Variants in FBXO30 observed in about 807,000 individuals in gnomAD.
The protein encoded by FBXO30 is F-box only protein 30.
In FBXO30, 21 loss-of-function variants were observed where a neutral mutation model predicts 58.1. The observed-to-expected ratio is 0.36, with a 90% CI of 0.26 to 0.52. The LOEUF is 0.52. Among genes scored for constraint, FBXO30 ranks in the 20% least tolerant of loss-of-function variants. The pLI is 0.93. For missense variants in FBXO30, 744 were observed against 897.3 expected (o/e 0.83, Z 2.18); for synonymous variants, 309 against 312.4 (o/e 0.99, Z 0.11).
rs777720532 is a variant in FBXO30, at chr6:145,805,411, G to A, written c.995C>T (p.Ala332Val). 32 of 1,613,824 alleles carry A rather than the reference G, an allele frequency of 2.0e-5. No individual in the cohort carries two copies. The highest frequency in any genetic ancestry group is 2.4e-5 in the Non-Finnish European group (28 of 1,179,936). Reference sequence around the variant, plus strand: ...TATTTCCCTAAGTTGTGCTGCCACCGCAAGTGAGCTGGAAGGTTTTGAAGT... The same window carrying A: ...TATTTCCCTAAGTTGTGCTGCCACCACAAGTGAGCTGGAAGGTTTTGAAGT... ...DGTSKPSSSL[A>V]VAAQLREIIP... Residue 332 changes from alanine to valine, a missense_variant, in exon 2 of 3, where the codon GCG becomes GTG. Around this residue, in one of 3 missense-constraint regions of FBXO30, gnomAD observed 275 missense variants for 262.0 expected, o/e 1.05. Coordinates refer to ENST00000237281, the MANE Select transcript of FBXO30 (RefSeq NM_032145.5).
intron 1 of FBXO30, among the ~76,000 whole-genome samples, chr6:145,814,025 C>T (rs1241172644): frequency 6.6e-6 from 1 of 152,108 alleles, no homozygotes; most frequent in African/African-American, 2.4e-5. Context: ...TGGAACAACA[C>T]AAATAACCTC....
Position 145,794,272 on chromosome 6 carries a change from T to C in FBXO30, c.*5834A>G, listed in dbSNP as rs1487493502. On this transcript the variant is annotated 3_prime_UTR_variant, in exon 3 of 3. Coordinates refer to ENST00000237281, the MANE Select transcript of FBXO30 (RefSeq NM_032145.5). ...TTTATCCTCCAAAGAATATCACATC[T>C]TTCTGCATTTAAGGTAACAACATTT... 2 of 151,964 alleles carry C rather than the reference T, an allele frequency of 1.3e-5. No homozygotes were observed. Among genetic ancestry groups the C allele is most frequent in the Non-Finnish European group, 2.9e-5 (2 of 67,864 alleles). 9.4% of individuals were successfully genotyped at this position (151,964 alleles called of 1,614,324 possible).
chr6:145,794,910 C>T lies in FBXO30; in HGVS notation c.*5196G>A, dbSNP rs1777840529. The T allele has an allele frequency of 6.6e-6, 1 of 151,546 alleles. No individual in the cohort carries two copies. Among genetic ancestry groups the T allele is most frequent in the African/African-American group, 2.4e-5 (1 of 41,324 alleles). The allele number at this position is 151,546 out of a possible 1,614,324, so 9.4% of individuals were successfully genotyped here. On this transcript the variant is annotated 3_prime_UTR_variant, in exon 3 of 3. Transcript: ENST00000237281. ...GGTCACCTCACCAGAAAATTAATGTCATGGGATAAAGAAGCAATAATGACA... is the reference window on the plus strand; with the variant it reads ...GGTCACCTCACCAGAAAATTAATGTTATGGGATAAAGAAGCAATAATGACA...
chr6:145,811,963 A>G (rs1172504259), intron 1 of FBXO30: 1 of 152,186 alleles, frequency 6.6e-6, no homozygotes, highest in Non-Finnish European at 1.5e-5. Flanking sequence ...TCAGCTTTAA[A>G]AATCATAATA....
At chr6:145,813,797 G>C (rs763713699) in intron 1 of FBXO30, among the ~76,000 whole-genome samples, 2 of 152,182 alleles carry the variant, frequency 1.3e-5, no homozygotes, top group Non-Finnish European at 2.9e-5. Context: ...TCGTTCCCAA[G>C]CATCTTTTAT....
In FBXO30 at chr6:145,807,178, CACAGTGCCTCCTCTCAAAA is replaced by C. The variant is rs111915402; in HGVS notation, c.-16-776_-16-758del. Among the ~76,000 whole-genome samples the C allele has an allele frequency of 6.2e-3, 946 of 152,292 alleles. 13 individuals are homozygous for C. The highest frequency in any genetic ancestry group is 0.022 in the African/African-American group (898 of 41,560). Reference sequence around the variant, plus strand: ...TGTGGCAATATAAAGATTAGCAAGTCACAGTGCCTCCTCTCAAAAAGCTACAGCAGGATGTCAAAGACAG... The same window carrying C: ...TGTGGCAATATAAAGATTAGCAAGTCAGCTACAGCAGGATGTCAAAGACAG... On this transcript the variant is annotated intron_variant, in intron 1 of 2. Transcript: ENST00000237281.
At chr6:145,811,759 C>T (rs544191595) in intron 1 of FBXO30, among the ~76,000 whole-genome samples, 4 of 152,270 alleles carry the variant, frequency 2.6e-5, no homozygotes, top group South Asian at 2.1e-4. Context: ...ATATACTGTT[C>T]CAATGTAAGG....
Position 145,805,026 on chromosome 6 carries a change from A to G in FBXO30, c.1380T>C (p.Thr460=). 1 of 1,613,930 alleles carries G rather than the reference A, an allele frequency of 6.2e-7. No homozygotes were observed. The highest frequency in any genetic ancestry group is 8.5e-7 in the Non-Finnish European group (1 of 1,179,952). Residue 460 remains threonine (T), a synonymous_variant, in exon 2 of 3, where the codon ACT becomes ACC. Coordinates refer to ENST00000237281, the MANE Select transcript of FBXO30 (RefSeq NM_032145.5). The part of the protein sequence containing the change: ...DIYHIDVGTQ[T]FSLPSAILAT... ...CTAATATTGCAGATGGAAGTGAAAA[A>G]GTCTGAGTCCCAACGTCAATGTGAT...
rs1027783736 is a variant in FBXO30, at chr6:145,793,945, T to C, written c.*6161A>G. 2.0e-5 allele frequency: 3 copies of C among 152,050 alleles called. No individual in the cohort carries two copies. The highest frequency in any genetic ancestry group is 2.1e-4 in the South Asian group (1 of 4,836). 9.4% of individuals were successfully genotyped at this position (152,050 alleles called of 1,614,324 possible). A position where few individuals can be genotyped will look rare whatever the true frequency, so the allele number is the denominator to read the frequency against. Reference sequence around the variant, plus strand: ...CACTAGTTTTTGGCTTTGGTAATGATTGCAAATATCAAATTCTTTTCTTTT... The same window carrying C: ...CACTAGTTTTTGGCTTTGGTAATGACTGCAAATATCAAATTCTTTTCTTTT... On this transcript the variant is annotated 3_prime_UTR_variant, in exon 3 of 3. Coordinates refer to ENST00000237281, the MANE Select transcript of FBXO30 (RefSeq NM_032145.5).
rs1037570357 is a variant in FBXO30 at position 145,800,001 on chromosome 6, A to C, written c.*105T>G. ...TTCAAAACATTATATACACAGTGACAATAAATTTAGCTAGTTGTAATATTT... is the reference window on the plus strand; with the variant it reads ...TTCAAAACATTATATACACAGTGACCATAAATTTAGCTAGTTGTAATATTT... On this transcript the variant is annotated 3_prime_UTR_variant, in exon 3 of 3. Transcript: ENST00000237281. The C allele has an allele frequency of 1.6e-5, 13 of 814,990 alleles. No individual in the cohort carries two copies. In the African/African-American group the frequency reaches 2.1e-4, roughly 13 times the overall value. 50.5% of individuals were successfully genotyped at this position (814,990 alleles called of 1,614,324 possible). A position where few individuals can be genotyped will look rare whatever the true frequency, so the allele number is the denominator to read the frequency against.
rs368500898 is a variant in FBXO30, at chr6:145,806,255, G to C, written c.151C>G (p.Leu51Val). 6.2e-7 allele frequency: 1 copy of C among 1,614,046 alleles called. No individual in the cohort carries two copies. The highest frequency in any genetic ancestry group is 8.5e-7 in the Non-Finnish European group (1 of 1,179,978). Residue 51 changes from leucine (L) to valine (V), a missense_variant, in exon 2 of 3, where the codon CTT becomes GTT. Physicochemically the swap from Leu to Val is conservative, Grantham distance 32. Coordinates refer to ENST00000237281, the MANE Select transcript of FBXO30 (RefSeq NM_032145.5). Reference sequence around the variant, plus strand: ...GGCACTCGTTCAAATGGACATAAAAGTCGATGCTCATCAGCTTTACAAGAA... The same window carrying C: ...GGCACTCGTTCAAATGGACATAAAACTCGATGCTCATCAGCTTTACAAGAA... ...FHSCKADEHR[L>V]LCPFERVPCL...
In FBXO30 at chr6:145,799,704, C is replaced by A; in HGVS notation, c.*402G>T. 6.4e-6 allele frequency: 1 copy of A among 155,858 alleles called. No individual in the cohort carries two copies. Among genetic ancestry groups the A allele is most frequent in the Middle Eastern group, 3.2e-3 (1 of 308 alleles). The allele number at this position is 155,858 out of a possible 1,614,324, so 9.7% of individuals were successfully genotyped here. ...TTCAGAATATTTTTATATGAAAAAC[C>A]TATGCTGTAAAAAATCTCAATCAAA... On this transcript the variant is annotated 3_prime_UTR_variant, in exon 3 of 3. Coordinates refer to ENST00000237281, the MANE Select transcript of FBXO30 (RefSeq NM_032145.5).
At chr6:145,808,598 T>C (rs930630946) in intron 1 of FBXO30, among the ~76,000 whole-genome samples, 3 of 152,148 alleles carry the variant, frequency 2.0e-5, no homozygotes, top group Non-Finnish European at 4.4e-5. Flanking sequence ...TCAATTACCA[T>C]ACATAAGCTG....
intron 1 of FBXO30, among the ~76,000 whole-genome samples, chr6:145,809,485 T>C (rs1174467052): frequency 6.6e-6 from 1 of 152,184 alleles, no homozygotes; most frequent in Non-Finnish European, 1.5e-5. Context: ...GCAAAACATA[T>C]CTTAAAAACA....
chr6:145,804,548 C>T lies in FBXO30; in HGVS notation c.1858G>A (p.Val620Ile). ...AGAAAGCCTGCAATATGCTGCAGGACCTCAAAAGGAAGACTACTTAGATGG... is the reference window on the plus strand; with the variant it reads ...AGAAAGCCTGCAATATGCTGCAGGATCTCAAAAGGAAGACTACTTAGATGG... ...NDHLSSLPFEVLQHIAGFLDG... is the reference protein window; with the variant it reads ...NDHLSSLPFEILQHIAGFLDG... The change falls in exon 2 of 3, where the codon GTC becomes ATC. Residue 620 changes from valine to isoleucine, a missense_variant. This residue lies in a region of FBXO30 where 334 missense variants were observed against 433.7 expected (regional missense o/e 0.77). Coordinates refer to ENST00000237281, the MANE Select transcript of FBXO30 (RefSeq NM_032145.5). 1 of 1,613,618 alleles carries T rather than the reference C, an allele frequency of 6.2e-7. No homozygotes were observed. The highest frequency in any genetic ancestry group is 8.5e-7 in the Non-Finnish European group (1 of 1,179,802).
rs1467926853 is a variant in FBXO30, at chr6:145,797,204, A to G, written c.*2902T>C. 1.3e-5 allele frequency: 2 copies of G among 152,016 alleles called. No individual in the cohort carries two copies. The highest frequency in any genetic ancestry group is 4.8e-5 in the African/African-American group (2 of 41,428). The allele number at this position is 152,016 out of a possible 1,614,324, so 9.4% of individuals were successfully genotyped here. A position where few individuals can be genotyped will look rare whatever the true frequency, so the allele number is the denominator to read the frequency against. ...TACCTTGAACAGAAGAAACACTAGT[A>G]AAATTTTAGTAAAATTTTAAATACT... On this transcript the variant is annotated 3_prime_UTR_variant, in exon 3 of 3. Transcript: ENST00000237281.
At chr6:145,804,245 T>C in intron 2 of FBXO30, 127 bp downstream of exon 2, 1 of 784,142 alleles carries the variant, frequency 1.3e-6, no homozygotes, top group Non-Finnish European at 2.0e-6. Flanking sequence ...AAAAAGTCTG[T>C]CATCACACTG....
At chr6:145,807,401 T>C (rs996377455) in intron 1 of FBXO30, among the ~76,000 whole-genome samples, 9 of 152,134 alleles carry the variant, frequency 5.9e-5, no homozygotes, top group Non-Finnish European at 1.2e-4. Context: ...GCAGAAGTAA[T>C]AGCATATGCA....
Position 145,805,317 on chromosome 6 carries a change from A to T in FBXO30, c.1089T>A (p.Gly363=). The T allele has an allele frequency of 2.5e-6, 4 of 1,614,020 alleles. No homozygotes were observed. Among genetic ancestry groups the T allele is most frequent in the Non-Finnish European group, 3.4e-6 (4 of 1,179,914 alleles). Residue 363 remains glycine (G), a synonymous_variant, in exon 2 of 3, where the codon GGT becomes GGA. Transcript: ENST00000237281. Reference sequence around the variant, plus strand: ...AGTCTACTTTTTTCCAACACAATTCACCTTCACCTTCATCATCTGGCATGA... The same window carrying T: ...AGTCTACTTTTTTCCAACACAATTCTCCTTCACCTTCATCATCTGGCATGA... ...HILMPDDEGE[G]ELCWKKVDLG...
Sources: allele counts gnomAD v4.1 joint callset (sites outside exome capture counted in the v4.1 genomes callset), GRCh38; gene constraint gnomAD v4.1.1; regional missense constraint gnomAD v4.1.1; transcripts MANE v1.5; gene names NCBI Gene and HGNC (gene_info 2026-07-23, HGNC 2026-07-21).